The following MAP2K4 variants were observed in gnomAD, a reference collection of about 807,000 sequenced individuals.
MAP2K4 encodes dual specificity mitogen-activated protein kinase kinase 4.
A neutral mutation model predicts 48.5 loss-of-function variants in MAP2K4; 4 were observed. The ratio of observed to expected loss-of-function variants is 0.08; its 90% CI spans 0.04 to 0.19. MAP2K4 has a LOEUF of 0.19. MAP2K4 is among the 10% of genes least tolerant of loss of function. MAP2K4 has a pLI of 1.00. For missense variants in MAP2K4, 258 were observed against 493.3 expected (o/e 0.52, Z 4.52); for synonymous variants, 166 against 173.1 (o/e 0.96, Z 0.32).
At chr17:12,090,229 A>G (rs1597456876) in intron 3 of MAP2K4, among the ~76,000 whole-genome samples, 1 of 152,170 alleles carries the variant, frequency 6.6e-6, no homozygotes, top group East Asian at 1.9e-4. Flanking sequence ...TTAACTTGGT[A>G]GGAAGGAAAA....
intron 9 of MAP2K4, among the ~76,000 whole-genome samples, chr17:12,131,735 A>G (rs1279162536): frequency 1.3e-5 from 2 of 152,228 alleles, no homozygotes; most frequent in East Asian, 3.8e-4. Context: ...TTAAAAAAAA[A>G]TGGATTTCAT....
At chr17:12,100,768 TGG>T (rs1425331519) in intron 4 of MAP2K4, among the ~76,000 whole-genome samples, 4 of 152,252 alleles carry the variant, frequency 2.6e-5, no homozygotes, top group African/African-American at 9.6e-5. Flanking sequence ...AGTAAATGTG[TGG>T]TGGAATCTCT....
At chr17:12,071,063 T>G (rs145610026) in intron 2 of MAP2K4, among the ~76,000 whole-genome samples, 3 of 152,342 alleles carry the variant, frequency 2.0e-5, no homozygotes, top group Admixed American at 6.5e-5. Context: ...CTCTATGGTC[T>G]TCTTCCCTGT....
chr17:12,031,183 G>A (rs1238171741), intron 1 of MAP2K4, among the ~76,000 whole-genome samples: 2 of 152,172 alleles, frequency 1.3e-5, no homozygotes, highest in African/African-American at 4.8e-5. Flanking sequence ...TCTATGATAA[G>A]GTAGTCAGCA....
intron 9 of MAP2K4, among the ~76,000 whole-genome samples, chr17:12,133,267 A>C (rs1040981497): frequency 6.6e-5 from 10 of 152,162 alleles, no homozygotes; most frequent in African/African-American, 2.4e-4. Flanking sequence ...TGTTTAATAG[A>C]GATGGGGTTT....
intron 4 of MAP2K4, among the ~76,000 whole-genome samples, chr17:12,097,938 C>G (rs886782596): frequency 6.6e-5 from 10 of 152,126 alleles, no homozygotes; most frequent in Non-Finnish European, 2.9e-5. Context: ...ACACAAAATA[C>G]CTAAGTAGAT....
At position 12,141,996 on chromosome 17, in the gene MAP2K4, A is replaced by T. The variant is rs184089088; in HGVS notation, c.*736A>T. 87 of 233,392 alleles carry T rather than the reference A, an allele frequency of 3.7e-4. No individual in the cohort carries two copies. Among genetic ancestry groups the T allele is most frequent in the African/African-American group, 1.7e-3 (79 of 45,470 alleles). 14.5% of individuals were successfully genotyped at this position (233,392 alleles called of 1,614,324 possible). A position where few individuals can be genotyped will look rare whatever the true frequency, so the allele number is the denominator to read the frequency against. ...GTCCTATTTTTCAATGGGAAGACTC[A>T]GGAGTCTGCCACTTGTCAAAGAAGG... On this transcript the variant is annotated 3_prime_UTR_variant, in exon 11 of 11. Coordinates refer to ENST00000353533, the MANE Select transcript of MAP2K4 (RefSeq NM_003010.4).
At chr17:12,038,731 G>GTA (rs1401939236) in intron 1 of MAP2K4, among the ~76,000 whole-genome samples, 4 of 152,140 alleles carry the variant, frequency 2.6e-5, no homozygotes, top group Admixed American at 6.5e-5. Context: ...GCCTTATGAA[G>GTA]TAGGTATAAT....
intron 7 of MAP2K4, chr17:12,124,287 C>G (rs1173514926): frequency 6.6e-6 from 1 of 152,210 alleles, no homozygotes; most frequent in Non-Finnish European, 1.5e-5. Context: ...AGGACCCTCT[C>G]TCTCTCTTCC....
intron 3 of MAP2K4, among the ~76,000 whole-genome samples, chr17:12,088,674 A>G (rs1297884266): frequency 6.8e-6 from 1 of 147,454 alleles, no homozygotes; most frequent in Non-Finnish European, 1.5e-5. Flanking sequence ...AACCTTTGCT[A>G]TATCACTCTT....
chr17:12,095,434 GATAAT>G, intron 3 of MAP2K4, 136 bp from the exon 4 acceptor site: 1 of 851,036 alleles, frequency 1.2e-6, no homozygotes, highest in Admixed American at 2.0e-5. Context: ...AAGGAAAGAT[GATAAT>G]TTTCATATCT....
In MAP2K4 at chr17:12,127,791, A is replaced by G. The variant is rs547713680; in HGVS notation, c.892-1348A>G. On this transcript the variant is annotated intron_variant, in intron 8 of 10. Transcript: ENST00000353533. Reference sequence around the variant, plus strand: ...TTTTAACAGAAAGAAACTTCAGCTAACGGAATACATTTTTCTGTGTGTGTA... The same window carrying G: ...TTTTAACAGAAAGAAACTTCAGCTAGCGGAATACATTTTTCTGTGTGTGTA... 3.3e-5 allele frequency among the ~76,000 whole-genome samples: 5 copies of G among 152,304 alleles called. No homozygotes were observed. The South Asian group carries it at 1.0e-3, about 32-fold the overall frequency.
In MAP2K4 at chr17:12,081,170, AT is replaced by A. The variant is rs1159309248; in HGVS notation, c.219-185del. 6.6e-6 allele frequency among the ~76,000 whole-genome samples: 1 copy of A among 152,218 alleles called. No individual in the cohort carries two copies. The highest frequency in any genetic ancestry group is 1.9e-4 in the East Asian group (1 of 5,200). On this transcript the variant is annotated intron_variant, in intron 2 of 10. Transcript: ENST00000353533. The surrounding 1 kb of genome is among the most constrained non-coding windows in gnomAD (Gnocchi z 4.2). The stretch of plus-strand genomic sequence containing the variant: ...GAAGCTGTGTCTATTGACTACCTAA[AT>A]CTAGATCATTCTTAATCCAGTGTGT...
chr17:12,128,332 A>C (rs1014945562), intron 8 of MAP2K4, among the ~76,000 whole-genome samples: 3 of 152,212 alleles, frequency 2.0e-5, no homozygotes, highest in Admixed American at 6.5e-5. Context: ...CCGCCTCGGC[A>C]TCCCAAAGTG....
intron 3 of MAP2K4, among the ~76,000 whole-genome samples, chr17:12,088,509 AT>A (rs1293010116): frequency 4.7e-5 from 5 of 107,266 alleles, no homozygotes; most frequent in Non-Finnish European, 1.0e-4. Flanking sequence ...TATATTATCT[AT>A]AATATGTATG....
At chr17:12,063,710 T>C (rs1304146624) in intron 2 of MAP2K4, among the ~76,000 whole-genome samples, 2 of 152,058 alleles carry the variant, frequency 1.3e-5, no homozygotes, top group East Asian at 1.9e-4. Context: ...CAGTGGCTCA[T>C]GCCTGTAATC....
chr17:12,135,327 G>C (rs112760846), intron 9 of MAP2K4, among the ~76,000 whole-genome samples: 1 of 152,028 alleles, frequency 6.6e-6, no homozygotes, highest in Non-Finnish European at 1.5e-5. Flanking sequence ...CAGGTGATCC[G>C]CCTGCCTCGG....
chr17:12,029,369 C>G (rs1034561389), intron 1 of MAP2K4, among the ~76,000 whole-genome samples: 5 of 152,016 alleles, frequency 3.3e-5, no homozygotes, highest in Non-Finnish European at 2.9e-5. Context: ...GATATTTATT[C>G]TAAGATTTAA....
At chr17:12,064,593 A>G (rs1465667177) in intron 2 of MAP2K4, among the ~76,000 whole-genome samples, 1 of 152,244 alleles carries the variant, frequency 6.6e-6, no homozygotes, top group Non-Finnish European at 1.5e-5. Context: ...TATGTGGTGT[A>G]AGCAGAATTC....
Sources: gnomAD v4.1 joint callset for allele counts (sites outside exome capture counted in the v4.1 genomes callset) on GRCh38, gnomAD v4.1.1 for gene constraint, Gnocchi (gnomAD v3.1) non-coding constraint, MANE v1.5 for transcripts, NCBI Gene and HGNC (gene_info 2026-07-23, HGNC 2026-07-21) for gene names.